SFI1: variants seen among roughly 807,000 people sequenced by gnomAD.
SFI1 encodes the protein protein SFI1 homolog.
In SFI1, 195 loss-of-function variants were observed where a neutral mutation model predicts 207.5. The observed-to-expected ratio is 0.94, with a 90% CI of 0.84 to 1.06. The LOEUF (loss-of-function observed/expected upper bound fraction) is 1.06, where lower values mean the gene tolerates loss of function less well. Among genes scored for constraint, SFI1 ranks in the 50% least tolerant of loss-of-function variants. SFI1 has a pLI of 0.00. For missense variants in SFI1, 1,634 were observed against 1,588.0 expected (o/e 1.03, Z -0.49); for synonymous variants, 630 against 598.9 (o/e 1.05, Z -0.76).
At chr22:31,594,727 C>T (rs781687918) in intron 15 of SFI1, among the ~76,000 whole-genome samples, 4 of 144,546 alleles carry the variant, frequency 2.8e-5, no homozygotes, top group East Asian at 2.1e-4. Flanking sequence ...TGGTGGTGGG[C>T]GACTGTAGTC....
chr22:31,594,560 A>G (rs1349775009), intron 15 of SFI1, among the ~76,000 whole-genome samples: 5 of 118,278 alleles, frequency 4.2e-5, no homozygotes, highest in Non-Finnish European at 8.5e-5. Context: ...AAAAAAAAAA[A>G]AAGAAAAGAA....
chr22:31,568,247 A>G (rs2062588908), intron 8 of SFI1, among the ~76,000 whole-genome samples: 2 of 144,138 alleles, frequency 1.4e-5, no homozygotes, highest in South Asian at 2.2e-4. Flanking sequence ...TTTACCATAA[A>G]TGCATTTCTG....
intron 8 of SFI1, among the ~76,000 whole-genome samples, chr22:31,571,829 A>T (rs897537748): frequency 2.0e-5 from 3 of 152,144 alleles, no homozygotes; most frequent in Non-Finnish European, 2.9e-5. Context: ...TTAAAACTGT[A>T]TATTGTTGCT....
At chr22:31,569,601 A>G (rs2062739731) in intron 8 of SFI1, among the ~76,000 whole-genome samples, 1 of 152,164 alleles carries the variant, frequency 6.6e-6, no homozygotes, top group Non-Finnish European at 1.5e-5. Context: ...CAGAACTTTA[A>G]GTGACCTAAC....
intron 4 of SFI1, among the ~76,000 whole-genome samples, chr22:31,545,753 G>A (rs2060022638): frequency 6.8e-6 from 1 of 147,332 alleles, no homozygotes; most frequent in African/African-American, 2.5e-5. Flanking sequence ...GCTAATTTTT[G>A]TATTTTTAGT....
At chr22:31,541,565 C>T (rs947733652) in intron 4 of SFI1, among the ~76,000 whole-genome samples, 1 of 151,062 alleles carries the variant, frequency 6.6e-6, no homozygotes, top group Non-Finnish European at 1.5e-5. Flanking sequence ...ACCAGCCTGG[C>T]CAACATAGTG....
Position 31,615,101 on chromosome 22 carries a change from C to T in SFI1, c.3122C>T (p.Ser1041Phe). The change falls in exon 29 of 33, where the codon TCC becomes TTC. Residue 1041 changes from serine to phenylalanine, a missense_variant. By Grantham distance (155) the Ser-to-Phe change is radical. Transcript: ENST00000400288. ...GLGMAQPAAP[S>F]LTRPFLAEAP... is the part of the protein sequence containing the mutation. The stretch of plus-strand genomic sequence containing the variant: ...GGCATGGCTCAGCCAGCAGCCCCCT[C>T]CCTGACGCGGCCCTTCCTGGCAGAG... The T allele has an allele frequency of 1.2e-6, 2 of 1,606,336 alleles. No individual in the cohort carries two copies. Among genetic ancestry groups the T allele is most frequent in the Non-Finnish European group, 1.7e-6 (2 of 1,176,528 alleles).
intron 2 of SFI1, among the ~76,000 whole-genome samples, chr22:31,526,323 C>A (rs749076976): frequency 2.0e-5 from 3 of 152,110 alleles, no homozygotes; most frequent in Admixed American, 2.0e-4. Context: ...GAAGGGGAAG[C>A]AAACACGTCC....
intron 14 of SFI1, among the ~76,000 whole-genome samples, chr22:31,588,207 GA>G (rs2065294340): frequency 6.6e-6 from 1 of 152,182 alleles, no homozygotes; most frequent in Non-Finnish European, 1.5e-5. Flanking sequence ...TCCTGGATTA[GA>G]ATGACTCAAA....
At chr22:31,498,711 T>C (rs2053184032) in intron 1 of SFI1, among the ~76,000 whole-genome samples, 1 of 151,580 alleles carries the variant, frequency 6.6e-6, no homozygotes, top group South Asian at 2.1e-4. Context: ...CATGGATAAC[T>C]GAGAGACTCA....
intron 2 of SFI1, among the ~76,000 whole-genome samples, chr22:31,510,810 G>A (rs1436214395): frequency 6.6e-6 from 1 of 152,070 alleles, no homozygotes; most frequent in Non-Finnish European, 1.5e-5. Context: ...TGTCTAATTT[G>A]TTGGCATAAA....
At chr22:31,606,573 A>T in intron 21 of SFI1, 143 bp downstream of exon 21, 2 of 609,246 alleles carry the variant, frequency 3.3e-6, no homozygotes, top group East Asian at 5.5e-5. Context: ...GCACACACAC[A>T]AACATCCATG....
In SFI1 at chr22:31,602,819, A is replaced by T. The variant is rs372234803; in HGVS notation, c.1805+34A>T. 3.1e-6 allele frequency: 5 copies of T among 1,601,146 alleles called. No individual in the cohort carries two copies. The African/African-American group carries it at 6.7e-5, about 21-fold the overall frequency. ...CCAGTTCTGCCTTACAAGCCTTTCC[A>T]TCACAGGCCAGCTTTGCTTGTTCTA... On this transcript the variant is annotated intron_variant, in intron 17 of 32. Coordinates refer to ENST00000400288, the MANE Select transcript of SFI1 (RefSeq NM_001007467.3).
chr22:31,518,059 G>A lies in SFI1; in HGVS notation c.92+9683G>A, dbSNP rs567560773. Among the ~76,000 whole-genome samples the A allele has an allele frequency of 3.9e-5, 6 of 152,124 alleles. No homozygotes were observed. In the South Asian group the frequency reaches 6.2e-4, roughly 16 times the overall value. ...CCAGCAGGAGTGGCACAATCTTGGC[G>A]CACTGCAATGCCTGCCTCCCAGGTT... On this transcript the variant is annotated intron_variant, in intron 2 of 32. Coordinates refer to ENST00000400288, the MANE Select transcript of SFI1 (RefSeq NM_001007467.3).
rs543097918 is a variant in SFI1, at chr22:31,509,562, C to T, written c.92+1186C>T. On this transcript the variant is annotated intron_variant, in intron 2 of 32. Coordinates refer to ENST00000400288, the MANE Select transcript of SFI1 (RefSeq NM_001007467.3). ...TGCTTTTCCTAGTGGTGCTGGCAGCCGTTGGATGGTGCCCACCCACATTGT... is the reference window on the plus strand; with the variant it reads ...TGCTTTTCCTAGTGGTGCTGGCAGCTGTTGGATGGTGCCCACCCACATTGT... 3.9e-5 allele frequency among the ~76,000 whole-genome samples: 6 copies of T among 152,258 alleles called. No individual in the cohort carries two copies. The South Asian group carries it at 6.2e-4, about 16-fold the overall frequency.
At chr22:31,539,778 T>A (rs933666493) in intron 4 of SFI1, among the ~76,000 whole-genome samples, 5 of 151,974 alleles carry the variant, frequency 3.3e-5, no homozygotes, top group African/African-American at 1.2e-4. Context: ...TGCAATGGCA[T>A]AATCTCAGCC....
rs2068757447 is a variant in SFI1 at position 31,605,163 on chromosome 22, T to TA, written c.2054+219dup. 3 of 392,388 alleles carry TA rather than the reference T, an allele frequency of 7.6e-6. No individual in the cohort carries two copies. In the South Asian group the frequency reaches 2.0e-4, roughly 27 times the overall value. The allele number at this position is 392,388 out of a possible 1,614,324, so 24.3% of individuals were successfully genotyped here. A position where few individuals can be genotyped will look rare whatever the true frequency, so the allele number is the denominator to read the frequency against. On this transcript the variant is annotated intron_variant, in intron 20 of 32. Transcript: ENST00000400288. The stretch of plus-strand genomic sequence containing the variant: ...GGGCAGGACCTTGGAAAGCAGCTGT[T>TA]ACCTGCATGCCTTAAAGGCCACTTG...
chr22:31,593,444 T>G (rs1460537241), intron 15 of SFI1, among the ~76,000 whole-genome samples: 5 of 135,668 alleles, frequency 3.7e-5, no homozygotes, highest in Admixed American at 2.9e-4. Flanking sequence ...TGATGGCGGC[T>G]GGGAAGAGGC....
rs975148919 is a variant in SFI1, at chr22:31,595,639, G to A, written c.1544+6062G>A. ...AACCAATTCAAGAGAACAGATCCAC[G>A]TGTCCCCAGTCATGTCAGCCACAAG... On this transcript the variant is annotated intron_variant, in intron 15 of 32. Transcript: ENST00000400288. Among the ~76,000 whole-genome samples, 9 of 152,158 alleles carry A rather than the reference G, an allele frequency of 5.9e-5. No individual in the cohort carries two copies. The South Asian group carries it at 1.0e-3, about 17-fold the overall frequency.
Sources: gnomAD v4.1 joint callset for allele counts (sites outside exome capture counted in the v4.1 genomes callset) on GRCh38, gnomAD v4.1.1 for gene constraint, MANE v1.5 for transcripts, NCBI Gene and HGNC (gene_info 2026-07-23, HGNC 2026-07-21) for gene names.